Variants in SYNPO observed in about 807,000 individuals in gnomAD.
SYNPO encodes synaptopodin.
A neutral mutation model predicts 49.5 loss-of-function variants in SYNPO; 19 were observed. The ratio of observed to expected loss-of-function variants is 0.38; its 90% CI spans 0.27 to 0.56. The LOEUF is 0.56. SYNPO is among the 20% of genes least tolerant of loss of function. SYNPO has a pLI of 0.68. For synonymous variants in SYNPO, 536 were observed against 548.0 expected (o/e 0.98, Z 0.31); for missense variants, 1,131 against 1,248.3 (o/e 0.91, Z 1.42).
At position 150,656,802 on chromosome 5, in the gene SYNPO, C is replaced by A. The variant is rs1306435529; in HGVS notation, c.2427C>A (p.Arg809=). Residue 809 remains arginine (R), a synonymous_variant, in exon 3 of 3, where the codon CGC becomes CGA. Transcript: ENST00000307662. Reference sequence around the variant, plus strand: ...GCATGCGCTCGCCACAGCCCGCCCGCCCCGGCTCGGCTGCTGTGCCGGGGG... The same window carrying A: ...GCATGCGCTCGCCACAGCCCGCCCGACCCGGCTCGGCTGCTGTGCCGGGGG... ...PPRMRSPQPA[R]PGSAAVPGAA... The A allele has an allele frequency of 6.8e-7, 1 of 1,462,240 alleles. No individual in the cohort carries two copies. Among genetic ancestry groups the A allele is most frequent in the East Asian group, 2.8e-5 (1 of 35,338 alleles). 90.6% of individuals were successfully genotyped at this position (1,462,240 alleles called of 1,614,324 possible).
chr5:150,656,473 G>A lies in SYNPO; in HGVS notation c.2098G>A (p.Asp700Asn), dbSNP rs1179033905. Residue 700 changes from aspartate to asparagine, a missense_variant, in exon 3 of 3, where the codon GAC becomes AAC. This residue lies in a region of SYNPO where 509 missense variants were observed against 484.5 expected (regional missense o/e 1.05). Transcript: ENST00000307662. ...PGASRPPSSLDGWVSPGPWEP... is the reference protein window; with the variant it reads ...PGASRPPSSLNGWVSPGPWEP... ...CGCGTCCCGGCCCCCCAGCAGCCTA[G>A]ACGGCTGGGTGAGCCCGGGCCCGTG... is the stretch of plus-strand genomic sequence containing the variant. 6.5e-7 allele frequency: 1 copy of A among 1,532,618 alleles called. No individual in the cohort carries two copies. The highest frequency in any genetic ancestry group is 8.7e-7 in the Non-Finnish European group (1 of 1,145,562). The allele number at this position is 1,532,618 out of a possible 1,614,324, so 94.9% of individuals were successfully genotyped here.
rs536593853 is a variant in SYNPO at position 150,657,828 on chromosome 5, C to G, written c.*741C>G. 2.6e-5 allele frequency: 4 copies of G among 152,728 alleles called. No individual in the cohort carries two copies. The East Asian group carries it at 5.6e-4, about 21-fold the overall frequency. 9.5% of individuals were successfully genotyped at this position (152,728 alleles called of 1,614,324 possible). Reference sequence around the variant, plus strand: ...TTCTCCCCGGGTCCCTGTCATGCTACTTTCTCCATCCCAGTTCAGACTGTC... The same window carrying G: ...TTCTCCCCGGGTCCCTGTCATGCTAGTTTCTCCATCCCAGTTCAGACTGTC... On this transcript the variant is annotated 3_prime_UTR_variant, in exon 3 of 3. Coordinates refer to ENST00000307662, the MANE Select transcript of SYNPO (RefSeq NM_007286.6).
intron 2 of SYNPO, chr5:150,653,583 G>A (rs115390085): frequency 1.3e-5 from 2 of 152,256 alleles, no homozygotes; most frequent in East Asian, 1.9e-4. Context: ...CTGTGGTCAG[G>A]TGTTGGGTCA....
At chr5:150,653,620 T>C (rs1426701144) in intron 2 of SYNPO, 1 of 152,248 alleles carries the variant, frequency 6.6e-6, no homozygotes, top group Non-Finnish European at 1.5e-5. Flanking sequence ...GATTTGGCAT[T>C]TGGCCCTAGC....
rs1397048489 is a variant in SYNPO at position 150,618,617 on chromosome 5, G to A, written c.250G>A (p.Gly84Ser). 8 of 1,551,316 alleles carry A rather than the reference G, an allele frequency of 5.2e-6. No homozygotes were observed. The African/African-American group carries it at 8.2e-5, about 16-fold the overall frequency. The change falls in exon 2 of 3, where the codon GGC (glycine) becomes AGC (serine). Residue 84 changes from glycine to serine, a missense_variant. Transcript: ENST00000394243. The stretch of plus-strand genomic sequence containing the variant: ...GACACCGCAGCTGCCCAAAGCCCTG[G>A]GCATCCAACCACCCAGCTGCTCCAG...
chr5:150,633,949 G>A (rs1264983343), intron 2 of SYNPO, among the ~76,000 whole-genome samples: 17 of 151,378 alleles, frequency 1.1e-4, no homozygotes, highest in Admixed American at 9.9e-4. Context: ...TAGTGAAAAC[G>A]CACCTCTATT....
intron 1 of SYNPO, among the ~76,000 whole-genome samples, chr5:150,613,689 T>A (rs1756910608): frequency 2.0e-5 from 3 of 152,118 alleles, no homozygotes; most frequent in Admixed American, 2.0e-4. Context: ...CCATGGGCAG[T>A]GGGGCCTTTG....
At chr5:150,629,166 C>T (rs780831854) in intron 2 of SYNPO, among the ~76,000 whole-genome samples, 66 of 152,090 alleles carry the variant, frequency 4.3e-4, no homozygotes, top group Non-Finnish European at 7.6e-4. Flanking sequence ...AGATGTGCCA[C>T]CGTGCCCGGC....
At chr5:150,600,063 G>A (rs1254540336), upstream of SYNPO, among the ~76,000 whole-genome samples, 2 of 152,228 alleles carry the variant, frequency 1.3e-5, no homozygotes, top group Admixed American at 6.5e-5. Context: ...TCGATTTTCT[G>A]TCCTGCCATC....
At chr5:150,653,537 T>G (rs1758461969) in intron 2 of SYNPO, 2 of 152,256 alleles carry the variant, frequency 1.3e-5, no homozygotes, top group Admixed American at 1.3e-4. Flanking sequence ...GCTTGGGTCA[T>G]GAACTCTAGG....
At chr5:150,601,157 G>A (rs1334323964) in exon 1 of SYNPO, 1 of 152,636 alleles carries the variant, frequency 6.6e-6, no homozygotes, top group Non-Finnish European at 1.5e-5. Context: ...ACAGCCAGTT[G>A]CTGTGCCAGA....
chr5:150,633,305 A>G (rs896870661), intron 2 of SYNPO, among the ~76,000 whole-genome samples: 1 of 152,268 alleles, frequency 6.6e-6, no homozygotes, highest in Non-Finnish European at 1.5e-5. Flanking sequence ...GGCTCCGCAC[A>G]TATAAGGCTT....
Position 150,648,740 on chromosome 5 carries a change from C to G in SYNPO, c.465C>G (p.Leu155=). 2 of 1,614,220 alleles carry G rather than the reference C, an allele frequency of 1.2e-6. No individual in the cohort carries two copies. The highest frequency in any genetic ancestry group is 1.7e-6 in the Non-Finnish European group (2 of 1,180,038). The change falls in exon 2 of 3, where the codon CTC becomes CTG. Residue 155 remains leucine (L), a synonymous_variant. Coordinates refer to ENST00000307662, the MANE Select transcript of SYNPO (RefSeq NM_007286.6). The surrounding 1 kb of genome is among the most constrained non-coding windows in gnomAD (Gnocchi z 5.0). ...CTGAGGAGGTGAGATGCAGCACACT[C>G]CTAATTGACAAGGTATCAACTCCAG... ...APAEEVRCST[L]LIDKVSTPAT...
chr5:150,611,964 G>A (rs767768666), intron 1 of SYNPO, among the ~76,000 whole-genome samples: 1 of 152,244 alleles, frequency 6.6e-6, no homozygotes, highest in African/African-American at 2.4e-5. Context: ...CAAGGTAATG[G>A]AAAATGCTGG....
chr5:150,643,692 G>T (rs1405683287), intron 1 of SYNPO, among the ~76,000 whole-genome samples: 1 of 152,070 alleles, frequency 6.6e-6, no homozygotes, highest in Admixed American at 6.5e-5. Flanking sequence ...CCGCCACCAC[G>T]CTTGGCTAAT....
chr5:150,617,681 G>A (rs965615374), intron 1 of SYNPO: 1 of 152,142 alleles, frequency 6.6e-6, no homozygotes, highest in African/African-American at 2.4e-5. Context: ...TGTGATTCCT[G>A]TGGTGTAGGT....
At chr5:150,607,009 A>G (rs1210174298) in intron 1 of SYNPO, among the ~76,000 whole-genome samples, 3 of 149,386 alleles carry the variant, frequency 2.0e-5, no homozygotes, top group African/African-American at 7.4e-5. Context: ...TTTCCCTTCC[A>G]TTATTTTATT....
At chr5:150,624,874 C>T (rs1757299627) in intron 2 of SYNPO, 2 of 985,278 alleles carry the variant, frequency 2.0e-6, no homozygotes, top group Non-Finnish European at 2.4e-6. Context: ...GCGGCGGCGC[C>T]CGGGAGCTCG....
upstream of SYNPO, among the ~76,000 whole-genome samples, chr5:150,599,332 C>T (rs1325723329): frequency 6.6e-6 from 1 of 152,258 alleles, no homozygotes; most frequent in Non-Finnish European, 1.5e-5. Flanking sequence ...CAAGCTTCTG[C>T]ATCAGTGCCC....
Sources: gnomAD v4.1 joint callset for allele counts (sites outside exome capture counted in the v4.1 genomes callset) on GRCh38, gnomAD v4.1.1 for gene constraint, gnomAD v4.1.1 regional missense constraint, Gnocchi (gnomAD v3.1) non-coding constraint, MANE v1.5 for transcripts, NCBI Gene and HGNC (gene_info 2026-07-23, HGNC 2026-07-21) for gene names.